The following COL18A1 variants were observed in gnomAD, a reference collection of about 807,000 sequenced individuals.
The protein encoded by COL18A1 is collagen alpha-1(XVIII) chain.
COL18A1 carries 133 observed loss-of-function variants against 168.0 expected under a neutral mutation model. The observed-to-expected ratio is 0.79, with a 90% confidence interval of 0.69 to 0.91. The LOEUF is 0.91. Among genes scored for constraint, COL18A1 ranks in the 40% least tolerant of loss-of-function variants. COL18A1 has a pLI of 0.00. For synonymous variants in COL18A1, 949 were observed against 809.0 expected, an observed-to-expected ratio of 1.17 and a Z score of -2.94; for missense variants, 2,126 against 1,925.4, an observed-to-expected ratio of 1.10 and a Z score of -1.95.
chr21:45,412,881 T>C (rs2033340148), intron 2 of COL18A1, among the ~76,000 whole-genome samples: 1 of 152,244 alleles, frequency 6.6e-6, no homozygotes, highest in African/African-American at 2.4e-5. Flanking sequence ...TCTATGGTCC[T>C]CTTTGCCCTC....
At chr21:45,497,350 T>C (rs1265810884) in intron 31 of COL18A1, among the ~76,000 whole-genome samples, 2 of 152,132 alleles carry the variant, frequency 1.3e-5, no homozygotes, top group Non-Finnish European at 2.9e-5. Context: ...CAAAGCAGGG[T>C]GGAAGCAGCC....
intron 2 of COL18A1, chr21:45,421,118 G>C (rs1268546965): frequency 1.7e-5 from 5 of 286,710 alleles, no homozygotes; most frequent in Admixed American, 9.4e-5. Flanking sequence ...GGGTCAGCTG[G>C]TGCCTGCCTG....
chr21:45,496,926 TG>T, intron 30 of COL18A1, 123 bp from the exon 31 acceptor site: 1 of 732,210 alleles, frequency 1.4e-6, no homozygotes. Flanking sequence ...CGTCTCTGAC[TG>T]GGGGAGGCTG....
chr21:45,473,949 T>G lies in COL18A1; in HGVS notation c.706T>G (p.Cys236Gly). 1 of 1,604,512 alleles carries G rather than the reference T, an allele frequency of 6.2e-7. No homozygotes were observed. The highest frequency in any genetic ancestry group is 8.5e-7 in the Non-Finnish European group (1 of 1,175,728). ...GGACCCCCAGGTGAGCCCCATGCAC[T>G]GCCTGGACGAGGAAGGCGATGACTC... is the stretch of plus-strand genomic sequence containing the variant. ...RRDPQVSPMH[C>G]LDEEGDDSDG... Residue 236 changes from cysteine to glycine, a missense_variant, in exon 4 of 42, where the codon TGC becomes GGC. Physicochemically the swap from Cys to Gly is radical, Grantham distance 159. Transcript: ENST00000651438. The surrounding 1 kb of genome is among the most constrained non-coding windows in gnomAD (Gnocchi z 4.0).
intron 30 of COL18A1, 103 bp from the exon 31 acceptor site, chr21:45,496,947 C>T: frequency 1.3e-6 from 1 of 790,746 alleles, no homozygotes; most frequent in African/African-American, 1.7e-5. Flanking sequence ...GCTATGTGGC[C>T]TCATACAGGG....
At chr21:45,439,348 G>T (rs1452088104) in intron 2 of COL18A1, among the ~76,000 whole-genome samples, 1 of 152,232 alleles carries the variant, frequency 6.6e-6, no homozygotes, top group Non-Finnish European at 1.5e-5. Flanking sequence ...CCTCGTGTGC[G>T]TGTGAGCAGA....
chr21:45,460,241 G>A (rs551547917), intron 2 of COL18A1, among the ~76,000 whole-genome samples: 114 of 152,348 alleles, frequency 7.5e-4, no homozygotes, highest in African/African-American at 2.5e-3. Context: ...ATCCACCCTC[G>A]TGGTGCAGGC....
At chr21:45,456,980 C>A in intron 2 of COL18A1, 1 of 982,624 alleles carries the variant, frequency 1.0e-6, no homozygotes, top group Non-Finnish European at 1.4e-6. Flanking sequence ...CCCCCCACAT[C>A]GAATCTCTAC....
intron 15 of COL18A1, among the ~76,000 whole-genome samples, chr21:45,485,108 G>A (rs527423180): frequency 2.6e-4 from 38 of 147,044 alleles, no homozygotes; most frequent in African/African-American, 6.0e-4. Flanking sequence ...TCAGCCTCCC[G>A]AGTAACTGGG....
At chr21:45,487,578 C>T (rs748871620) in intron 17 of COL18A1, 69 bp downstream of exon 17, 8 of 1,586,652 alleles carry the variant, frequency 5.0e-6, no homozygotes, top group Non-Finnish European at 6.9e-6. Context: ...AGGAGAGTGT[C>T]CCTGAGAGCC....
intron 2 of COL18A1, among the ~76,000 whole-genome samples, chr21:45,430,344 C>T (rs1284546873): frequency 2.0e-5 from 3 of 152,206 alleles, no homozygotes; most frequent in African/African-American, 7.2e-5. Flanking sequence ...GGTCGAAGCA[C>T]CTCCCCGGTG....
rs1310865241 is a variant in COL18A1 at position 45,437,180 on chromosome 21, ACACT to A, written c.107-31058_107-31055del. Among the ~76,000 whole-genome samples the A allele has an allele frequency of 2.0e-3, 188 of 93,234 alleles. 11 individuals are homozygous for A. The highest frequency in any genetic ancestry group is 1.3e-3 in the East Asian group (4 of 3,146). 61.2% of individuals were successfully genotyped at this position (93,234 alleles called of 152,430 possible). On this transcript the variant is annotated intron_variant, in intron 2 of 41. Transcript: ENST00000651438. ...CAGACACAGGCACTCTCCTGCACACACACTCACACAGACACACAGGCACTCTCCT... is the reference window on the plus strand; with the variant it reads ...CAGACACAGGCACTCTCCTGCACACACACACAGACACACAGGCACTCTCCT...
chr21:45,428,404 C>T (rs980442031), intron 2 of COL18A1, among the ~76,000 whole-genome samples: 1 of 152,182 alleles, frequency 6.6e-6, no homozygotes, highest in Admixed American at 6.5e-5. Flanking sequence ...CCGAGGCCAC[C>T]AGTTTCCACC....
intron 2 of COL18A1, chr21:45,420,245 C>A (rs1404093658): frequency 6.6e-6 from 1 of 152,252 alleles, no homozygotes; most frequent in African/African-American, 2.4e-5. Context: ...GCCCTCGACA[C>A]CTGCTGGATG....
At chr21:45,441,957 G>A (rs985269218) in intron 2 of COL18A1, among the ~76,000 whole-genome samples, 1 of 152,244 alleles carries the variant, frequency 6.6e-6, no homozygotes, top group African/African-American at 2.4e-5. Context: ...CAGGCCTGGT[G>A]ACCCCCTGGG....
chr21:45,483,423 G>A (rs982088129), intron 15 of COL18A1, among the ~76,000 whole-genome samples: 1 of 152,224 alleles, frequency 6.6e-6, no homozygotes, highest in Admixed American at 6.5e-5. Context: ...GCAGCCTGAG[G>A]TCTGGGCCAC....
In COL18A1 at chr21:45,495,214, C is replaced by T. The variant is rs79784118; in HGVS notation, c.2434-144C>T. ...TTGTGCAGGAAAGGGGTGAGAAGGG[C>T]CGGGGTAGCCTGAGAGCTGGGAACG... On this transcript the variant is annotated intron_variant, in intron 28 of 41. Coordinates refer to ENST00000651438, the MANE Select transcript of COL18A1 (RefSeq NM_001379500.1). 478 of 736,312 alleles carry T rather than the reference C, an allele frequency of 6.5e-4. 5 individuals are homozygous for T. The East Asian group carries it at 0.012, about 19-fold the overall frequency. The allele number at this position is 736,312 out of a possible 1,614,324, so 45.6% of individuals were successfully genotyped here. A position where few individuals can be genotyped will look rare whatever the true frequency, so the allele number is the denominator to read the frequency against.
intron 17 of COL18A1, 66 bp downstream of exon 17, chr21:45,487,575 T>C (rs771336545): frequency 3.1e-6 from 5 of 1,592,676 alleles, no homozygotes; most frequent in Non-Finnish European, 3.4e-6. Flanking sequence ...GGCAGGAGAG[T>C]GTCCCTGAGA....
At chr21:45,502,412 TC>T (rs1278825336) in intron 32 of COL18A1, 1 of 152,230 alleles carries the variant, frequency 6.6e-6, no homozygotes, top group Non-Finnish European at 1.5e-5. Flanking sequence ...AGTACCTGTT[TC>T]TACACATCAG....
Sources: gnomAD v4.1 joint callset for allele counts (sites outside exome capture counted in the v4.1 genomes callset) on GRCh38, gnomAD v4.1.1 for gene constraint, Gnocchi (gnomAD v3.1) non-coding constraint, MANE v1.5 for transcripts, NCBI Gene and HGNC (gene_info 2026-07-23, HGNC 2026-07-21) for gene names.